CDH18: variants seen among roughly 807,000 people sequenced by gnomAD.
CDH18 encodes the protein cadherin 18.
Under a neutral mutation model 67.9 loss-of-function variants are expected in CDH18, and 31 were observed. That is an observed-to-expected ratio of 0.46 (90% CI 0.34 to 0.62). CDH18 has a LOEUF of 0.62. Among genes scored for constraint, CDH18 ranks in the 20% least tolerant of loss-of-function variants. The pLI, the probability that CDH18 is intolerant of heterozygous loss-of-function variation, is 0.01. For synonymous variants in CDH18, 362 were observed against 347.2 expected, an observed-to-expected ratio of 1.04 and a Z score of -0.48; for missense variants, 890 against 975.5, an observed-to-expected ratio of 0.91 and a Z score of 1.17.
intron 5 of CDH18, among the ~76,000 whole-genome samples, chr5:19,711,769 A>G (rs551173866): frequency 6.6e-6 from 1 of 152,180 alleles, no homozygotes; most frequent in East Asian, 1.9e-4. Context: ...AGAATTCTCA[A>G]AAAAACTCAA....
intron 1 of CDH18, among the ~76,000 whole-genome samples, chr5:20,383,846 G>T (rs1329647426): frequency 6.6e-6 from 1 of 152,024 alleles, no homozygotes; most frequent in African/African-American, 2.4e-5. Context: ...AAATGACTTT[G>T]CATGACTAGA....
At chr5:19,578,327 T>C (rs1742660017) in intron 7 of CDH18, among the ~76,000 whole-genome samples, 1 of 152,226 alleles carries the variant, frequency 6.6e-6, no homozygotes, top group Non-Finnish European at 1.5e-5. Context: ...TTATTGGGTC[T>C]GATATATTTA....
In CDH18 at chr5:19,473,597, T is replaced by G. The variant is rs1737927819; in HGVS notation, c.2002A>C (p.Thr668Pro). 1 of 1,613,756 alleles carries G rather than the reference T, an allele frequency of 6.2e-7. No homozygotes were observed. Reference sequence around the variant, plus strand: ...AAGGCTGTGATGTCAAAGGCCTCTGTGTCTTCCTCTCCGCCTCCTTCATCA... The same window carrying G: ...AAGGCTGTGATGTCAAAGGCCTCTGGGTCTTCCTCTCCGCCTCCTTCATCA... ...YDDEGGGEED[T>P]EAFDITALRN... Residue 668 changes from threonine (T) to proline (P), a missense_variant, in exon 13 of 13, where the codon ACA becomes CCA. Transcript: ENST00000382275.
At chr5:20,058,264 T>G (rs1363844793) in intron 2 of CDH18, among the ~76,000 whole-genome samples, 1 of 152,160 alleles carries the variant, frequency 6.6e-6, no homozygotes, top group African/African-American at 2.4e-5. Context: ...ATCATAGTAG[T>G]GTTCACACAG....
chr5:19,699,822 CTA>C (rs1244688195), intron 5 of CDH18, among the ~76,000 whole-genome samples: 1 of 152,014 alleles, frequency 6.6e-6, no homozygotes, highest in Non-Finnish European at 1.5e-5. Context: ...GCCACCCAGT[CTA>C]TGATATCATT....
At chr5:20,010,273 C>T (rs374177505) in intron 2 of CDH18, among the ~76,000 whole-genome samples, 3 of 151,902 alleles carry the variant, frequency 2.0e-5, no homozygotes, top group East Asian at 3.9e-4. Context: ...GACAGAGTCT[C>T]CCCTAAGCTG....
At chr5:19,844,130 T>C (rs910132708) in intron 2 of CDH18, among the ~76,000 whole-genome samples, 2 of 152,190 alleles carry the variant, frequency 1.3e-5, no homozygotes, top group African/African-American at 4.8e-5. Context: ...ATTAAGATTT[T>C]TCAGGGACTG....
In CDH18 at chr5:19,473,126, A is replaced by G; in HGVS notation, c.*100T>C. On this transcript the variant is annotated 3_prime_UTR_variant, in exon 13 of 13. Coordinates refer to ENST00000382275, the MANE Select transcript of CDH18 (RefSeq NM_004934.5). ...TACAGGAGCTGTGTCCAGCTTCCTC[A>G]GTTCCAAGTACTGTTTCCACACTTC... 7.0e-7 allele frequency: 1 copy of G among 1,427,518 alleles called. No individual in the cohort carries two copies. The highest frequency in any genetic ancestry group is 9.5e-7 in the Non-Finnish European group (1 of 1,052,388). The allele number at this position is 1,427,518 out of a possible 1,614,324, so 88.4% of individuals were successfully genotyped here.
intron 1 of CDH18, among the ~76,000 whole-genome samples, chr5:20,308,492 G>A (rs1446870870): frequency 6.6e-6 from 1 of 150,938 alleles, no homozygotes; most frequent in Non-Finnish European, 1.5e-5. Context: ...GCAGTGAGTG[G>A]AGATCGTGCC....
chr5:19,480,286 C>G (rs1739179722), intron 12 of CDH18, among the ~76,000 whole-genome samples: 1 of 151,686 alleles, frequency 6.6e-6, no homozygotes, highest in Admixed American at 6.6e-5. Context: ...CAAATATACA[C>G]AAAAAAGAAG....
At chr5:20,491,333 C>T (rs564528585) in intron 1 of CDH18, among the ~76,000 whole-genome samples, 5 of 151,802 alleles carry the variant, frequency 3.3e-5, no homozygotes, top group African/African-American at 7.3e-5. Context: ...AGGTAATGAT[C>T]GTAAGTTTAG....
intron 1 of CDH18, among the ~76,000 whole-genome samples, chr5:20,410,753 G>T (rs181539379): frequency 6.6e-6 from 1 of 151,780 alleles, no homozygotes; most frequent in Admixed American, 6.6e-5. Context: ...ATGTAGAAAC[G>T]TTAAAGTCTC....
At chr5:20,488,673 T>TTATATACATATA (rs1554008486) in intron 1 of CDH18, among the ~76,000 whole-genome samples, 36 of 126,980 alleles carry the variant, frequency 2.8e-4, no homozygotes, top group Middle Eastern at 9.1e-3. Context: ...GGGTAGTGTT[T>TTATATACATATA]TATATATATA....
At chr5:20,070,308 C>A (rs144039771) in intron 2 of CDH18, among the ~76,000 whole-genome samples, 6 of 151,932 alleles carry the variant, frequency 3.9e-5, no homozygotes, top group Admixed American at 3.9e-4. Context: ...TGGAAGAGGT[C>A]TTGGTTGGTT....
At chr5:19,730,106 C>T (rs1767394418) in intron 4 of CDH18, among the ~76,000 whole-genome samples, 1 of 152,150 alleles carries the variant, frequency 6.6e-6, no homozygotes, top group African/African-American at 2.4e-5. Flanking sequence ...CTGCCCCCTA[C>T]CATGGTCCAT....
chr5:20,190,226 G>T (rs188727000), intron 2 of CDH18, among the ~76,000 whole-genome samples: 1 of 151,990 alleles, frequency 6.6e-6, no homozygotes. Flanking sequence ...TGTGGGCATC[G>T]TCCTCAAAAT....
chr5:20,056,736 T>G (rs1236222127), intron 2 of CDH18, among the ~76,000 whole-genome samples: 3 of 134,492 alleles, frequency 2.2e-5, no homozygotes, highest in Non-Finnish European at 4.6e-5. Context: ...CAGGCTGGAG[T>G]GCGGTGGTGC....
intron 2 of CDH18, among the ~76,000 whole-genome samples, chr5:20,109,408 C>T (rs1355461893): frequency 6.6e-6 from 1 of 152,148 alleles, no homozygotes; most frequent in Non-Finnish European, 1.5e-5. Flanking sequence ...ACGAGAACAG[C>T]AAAGACTGAA....
intron 1 of CDH18, among the ~76,000 whole-genome samples, chr5:20,444,042 T>G (rs1191762560): frequency 6.6e-6 from 1 of 151,990 alleles, no homozygotes; most frequent in Admixed American, 6.5e-5. Flanking sequence ...AAAAGATGTT[T>G]ATATTATAAT....
Sources: gnomAD v4.1 joint callset for allele counts (sites outside exome capture counted in the v4.1 genomes callset) on GRCh38, gnomAD v4.1.1 for gene constraint, MANE v1.5 for transcripts, NCBI Gene and HGNC (gene_info 2026-07-23, HGNC 2026-07-21) for gene names.